The following EVA1C variants were observed in gnomAD, a reference collection of about 807,000 sequenced individuals.
EVA1C encodes protein eva-1 homolog C.
Under a neutral mutation model 45.4 loss-of-function variants are expected in EVA1C, and 25 were observed. The observed-to-expected ratio is 0.55, with a 90% confidence interval of 0.40 to 0.77. The LOEUF (loss-of-function observed/expected upper bound fraction) is 0.77, where lower values mean the gene tolerates loss of function less well. Among genes scored for constraint, EVA1C ranks in the 30% least tolerant of loss-of-function variants. The pLI, the probability that EVA1C is intolerant of heterozygous loss-of-function variation, is 0.00. For synonymous variants in EVA1C, 190 were observed against 221.2 expected (o/e 0.86, Z 1.25); for missense variants, 479 against 554.8 (o/e 0.86, Z 1.37).
chr21:32,431,092 G>A (rs1331950554), intron 1 of EVA1C, among the ~76,000 whole-genome samples: 1 of 152,140 alleles, frequency 6.6e-6, no homozygotes, highest in African/African-American at 2.4e-5. Flanking sequence ...GGTGATTATG[G>A]GAACTACAAT....
intron 1 of EVA1C, among the ~76,000 whole-genome samples, chr21:32,426,852 T>C (rs2034507540): frequency 6.6e-6 from 1 of 152,142 alleles, no homozygotes; most frequent in Admixed American, 6.6e-5. Flanking sequence ...GAAAATATAG[T>C]ATTGTTTCCA....
chr21:32,473,937 G>A, intron 4 of EVA1C: 1 of 985,458 alleles, frequency 1.0e-6, no homozygotes, highest in Non-Finnish European at 1.2e-6. Context: ...ACGGAGCACA[G>A]GACAAGAAGG....
At chr21:32,470,557 C>T (rs1182265105) in intron 4 of EVA1C, among the ~76,000 whole-genome samples, 2 of 152,168 alleles carry the variant, frequency 1.3e-5, no homozygotes, top group Non-Finnish European at 2.9e-5. Flanking sequence ...TTGTGAGCTC[C>T]TGAACCCCAT....
At chr21:32,512,478 C>T (rs1416142179) in intron 7 of EVA1C, among the ~76,000 whole-genome samples, 1 of 152,048 alleles carries the variant, frequency 6.6e-6, no homozygotes, top group Admixed American at 6.6e-5. Context: ...CAAGTCGCTG[C>T]TGGAATTGAC....
intron 5 of EVA1C, among the ~76,000 whole-genome samples, chr21:32,500,190 ATTTTT>A (rs538897939): frequency 0.011 from 969 of 91,098 alleles, 4 homozygotes; most frequent in South Asian, 0.024. Flanking sequence ...TAACCACCCT[ATTTTT>A]TTTTTTTTTT....
chr21:32,511,438 AAAAG>A (rs1555876825), intron 7 of EVA1C, among the ~76,000 whole-genome samples: 3 of 148,798 alleles, frequency 2.0e-5, no homozygotes, highest in Non-Finnish European at 4.5e-5. Flanking sequence ...AAAAAAAAAA[AAAAG>A]AAAGAAAGAA....
At chr21:32,467,997 TTAA>T (rs2146302903) in intron 4 of EVA1C, 149 bp downstream of exon 4, 1 of 422,152 alleles carries the variant, frequency 2.4e-6, no homozygotes, top group South Asian at 1.2e-4. Context: ...AAGTTAATAC[TTAA>T]TAAACTCCCG....
In EVA1C at chr21:32,470,035, C is replaced by G. The variant is rs75290470; in HGVS notation, c.634+2187C>G. Among the ~76,000 whole-genome samples, 823 of 152,252 alleles carry G rather than the reference C, an allele frequency of 5.4e-3. 9 individuals carry two copies. Among genetic ancestry groups the G allele is most frequent in the African/African-American group, 0.019 (799 of 41,550 alleles). On this transcript the variant is annotated intron_variant, in intron 4 of 7. Transcript: ENST00000300255. ...AGCTTGATCTCTCTCTGCTGTATTA[C>G]CAGAGAGAACAGACCCAGCTGTGAA...
intron 1 of EVA1C, among the ~76,000 whole-genome samples, chr21:32,448,916 G>GAAAGAAGGAAAGAAAGAGAGAA (rs60517808): frequency 6.9e-6 from 1 of 145,940 alleles, no homozygotes; most frequent in South Asian, 2.2e-4. Flanking sequence ...AAGGAGAAAA[G>GAAAGAAGGAAAGAAAGAGAGAA]AGAGAAAGAA....
chr21:32,507,846 T>G (rs1292002695), intron 7 of EVA1C, among the ~76,000 whole-genome samples: 1 of 151,922 alleles, frequency 6.6e-6, no homozygotes, highest in Non-Finnish European at 1.5e-5. Context: ...TGCATGTGTC[T>G]GTATGCTTGT....
chr21:32,511,431 A>AG (rs2037946708), intron 7 of EVA1C, among the ~76,000 whole-genome samples: 1 of 150,742 alleles, frequency 6.6e-6, no homozygotes, highest in Admixed American at 6.6e-5. Flanking sequence ...AAAAAAAAAA[A>AG]AAAAAAAAAA....
chr21:32,456,264 G>C (rs1007005663), intron 2 of EVA1C, among the ~76,000 whole-genome samples: 1 of 152,160 alleles, frequency 6.6e-6, no homozygotes, highest in Non-Finnish European at 1.5e-5. Context: ...GCTTAACATG[G>C]GGAGACATCC....
In EVA1C at chr21:32,475,463, CTT is replaced by C. The variant is rs775162227; in HGVS notation, c.634+7633_634+7634del. On this transcript the variant is annotated intron_variant, in intron 4 of 7. Coordinates refer to ENST00000300255, the MANE Select transcript of EVA1C (RefSeq NM_058187.5). Reference sequence around the variant, plus strand: ...TTACTCATCAGCTAAAAAGTTCTTACTTTTTTTTTTTTTTTTTTTGGATTTCT... The same window carrying C: ...TTACTCATCAGCTAAAAAGTTCTTACTTTTTTTTTTTTTTTTTGGATTTCT... 5.5e-4 allele frequency among the ~76,000 whole-genome samples: 70 copies of C among 127,196 alleles called. 1 individual carries two copies. Among genetic ancestry groups the C allele is most frequent in the Middle Eastern group, 4.2e-3 (1 of 238 alleles). 83.4% of individuals were successfully genotyped at this position (127,196 alleles called of 152,430 possible). A position where few individuals can be genotyped will look rare whatever the true frequency, so the allele number is the denominator to read the frequency against.
chr21:32,511,957 A>T (rs1601082867), intron 7 of EVA1C, among the ~76,000 whole-genome samples: 1 of 152,222 alleles, frequency 6.6e-6, no homozygotes, highest in East Asian at 1.9e-4. Context: ...ACTACATTAT[A>T]GCCAAGACAG....
chr21:32,423,634 T>A (rs1403007580), intron 1 of EVA1C, among the ~76,000 whole-genome samples: 1 of 152,046 alleles, frequency 6.6e-6, no homozygotes, highest in African/African-American at 2.4e-5. Context: ...ATTTTACATT[T>A]CCTTACATGA....
At chr21:32,444,089 C>CAA (rs1375983653) in intron 1 of EVA1C, among the ~76,000 whole-genome samples, 5 of 146,946 alleles carry the variant, frequency 3.4e-5, no homozygotes, top group Admixed American at 1.4e-4. Flanking sequence ...CACACACACA[C>CAA]ACAAACTCAA....
intron 7 of EVA1C, among the ~76,000 whole-genome samples, chr21:32,507,533 CAT>C (rs1198669483): frequency 7.5e-6 from 1 of 134,126 alleles, no homozygotes; most frequent in Admixed American, 7.3e-5. Context: ...TCTGTGTGTG[CAT>C]GTGTGCGTCT....
chr21:32,476,950 T>G (rs2036590129), intron 4 of EVA1C, among the ~76,000 whole-genome samples: 1 of 152,042 alleles, frequency 6.6e-6, no homozygotes, highest in Admixed American at 6.6e-5. Context: ...CTGAACTGCA[T>G]CAGGGCAGGC....
chr21:32,429,071 G>T (rs188312517), intron 1 of EVA1C, among the ~76,000 whole-genome samples: 13 of 152,192 alleles, frequency 8.5e-5, no homozygotes, highest in Admixed American at 8.5e-4. Flanking sequence ...CCCAGAGCGA[G>T]ATTGTCGCCT....
Sources: gnomAD v4.1 joint callset for allele counts (sites outside exome capture counted in the v4.1 genomes callset) on GRCh38, gnomAD v4.1.1 for gene constraint, MANE v1.5 for transcripts, NCBI Gene and HGNC (gene_info 2026-07-23, HGNC 2026-07-21) for gene names.